The following COL24A1 variants were observed in gnomAD, a reference collection of about 807,000 sequenced individuals.
The protein encoded by COL24A1 is collagen type XXIV alpha 1 chain.
In COL24A1, 224 loss-of-function variants were observed where a neutral mutation model predicts 253.9. The ratio of observed to expected loss-of-function variants is 0.88; its 90% CI spans 0.79 to 0.99. COL24A1 has a LOEUF of 0.99. COL24A1 is among the 50% of genes least tolerant of loss of function. The pLI is 0.00. For missense variants in COL24A1, 2,131 were observed against 2,068.5 expected (o/e 1.03, Z -0.59); for synonymous variants, 685 against 673.7 (o/e 1.02, Z -0.26).
intron 7 of COL24A1, among the ~76,000 whole-genome samples, chr1:86,083,661 C>T (rs2101921445): frequency 6.6e-6 from 1 of 152,174 alleles, no homozygotes; most frequent in East Asian, 1.9e-4. Context: ...TTCTACTTAG[C>T]TAACCTGAAA....
At chr1:86,077,242 A>G (rs555964326) in intron 7 of COL24A1, among the ~76,000 whole-genome samples, 1 of 152,242 alleles carries the variant, frequency 6.6e-6, no homozygotes, top group Admixed American at 6.5e-5. Context: ...ATATGAAAAA[A>G]AGCTCATATG....
intron 2 of COL24A1, among the ~76,000 whole-genome samples, chr1:86,129,875 G>A (rs1417982505): frequency 6.6e-6 from 1 of 151,674 alleles, no homozygotes. Flanking sequence ...ATACATACCA[G>A]TTAGTTGTAC....
At chr1:85,778,957 T>C (rs533966714) in intron 52 of COL24A1, among the ~76,000 whole-genome samples, 6 of 152,220 alleles carry the variant, frequency 3.9e-5, no homozygotes, top group African/African-American at 1.4e-4. Context: ...TAAAAGTTCA[T>C]CTAGGAGTAA....
At chr1:85,952,733 A>G (rs1690052401) in intron 24 of COL24A1, among the ~76,000 whole-genome samples, 1 of 152,324 alleles carries the variant, frequency 6.6e-6, no homozygotes, top group East Asian at 1.9e-4. Flanking sequence ...GGCTGCTTTC[A>G]TACTACAACA....
chr1:85,768,597 G>GCGGT (rs1558048819), intron 53 of COL24A1, among the ~76,000 whole-genome samples: 35 of 142,884 alleles, frequency 2.4e-4, no homozygotes, highest in African/African-American at 8.4e-4. Flanking sequence ...CGGGGGGAGG[G>GCGGT]CTTATTTCTT....
chr1:86,069,960 T>C (rs938103369), intron 7 of COL24A1, among the ~76,000 whole-genome samples: 4 of 152,254 alleles, frequency 2.6e-5, no homozygotes, highest in South Asian at 2.1e-4. Flanking sequence ...CACAAAAACA[T>C]GATCTCACCA....
chr1:85,851,034 T>C (rs1416214692), intron 37 of COL24A1, among the ~76,000 whole-genome samples: 1 of 149,970 alleles, frequency 6.7e-6, no homozygotes, highest in Admixed American at 6.7e-5. Flanking sequence ...CATATATATA[T>C]ACATATAATT....
chr1:85,871,906 T>C (rs1012705160), intron 35 of COL24A1, among the ~76,000 whole-genome samples: 3 of 152,162 alleles, frequency 2.0e-5, no homozygotes, highest in African/African-American at 7.2e-5. Flanking sequence ...GGAAGTCAAA[T>C]TGTCCCTGTT....
chr1:85,873,323 C>A (rs1252933494), intron 35 of COL24A1, among the ~76,000 whole-genome samples: 28 of 151,980 alleles, frequency 1.8e-4, no homozygotes, highest in Middle Eastern at 3.2e-3. Flanking sequence ...TTTGACCCAG[C>A]AATCCCATTA....
chr1:85,828,199 C>T (rs1674661868), intron 43 of COL24A1, among the ~76,000 whole-genome samples: 1 of 152,004 alleles, frequency 6.6e-6, no homozygotes, highest in African/African-American at 2.4e-5. Flanking sequence ...CATTCAGGAG[C>T]AGATTGTTCA....
chr1:85,987,697 C>T (rs1253854752), intron 19 of COL24A1, 43 bp from the exon 20 acceptor site: 3 of 1,531,478 alleles, frequency 2.0e-6, no homozygotes, highest in Non-Finnish European at 2.7e-6. Flanking sequence ...TAGAAAATTA[C>T]TTTAAATCCA....
At chr1:86,098,943 A>G (rs1704223546) in intron 5 of COL24A1, among the ~76,000 whole-genome samples, 1 of 152,186 alleles carries the variant, frequency 6.6e-6, no homozygotes, top group Admixed American at 6.5e-5. Context: ...GGTTAACACT[A>G]TCATTAACCA....
intron 12 of COL24A1, among the ~76,000 whole-genome samples, chr1:86,037,507 C>T (rs1699130652): frequency 6.6e-6 from 1 of 152,124 alleles, no homozygotes; most frequent in East Asian, 1.9e-4. Flanking sequence ...TGGCCCATAG[C>T]CAAGAGCCGG....
intron 37 of COL24A1, among the ~76,000 whole-genome samples, chr1:85,860,973 T>C (rs537321145): frequency 1.6e-4 from 25 of 152,226 alleles, no homozygotes; most frequent in Non-Finnish European, 1.9e-4. Context: ...TGAAAATTCA[T>C]GTACAAGCTT....
chr1:86,131,348 T>C lies in COL24A1; in HGVS notation c.122-5134A>G, dbSNP rs534080721. Among the ~76,000 whole-genome samples, 8 of 151,920 alleles carry C rather than the reference T, an allele frequency of 5.3e-5. No individual in the cohort carries two copies. In the South Asian group the frequency reaches 1.7e-3, roughly 31 times the overall value. On this transcript the variant is annotated intron_variant, in intron 2 of 59. Coordinates refer to ENST00000370571, the MANE Select transcript of COL24A1 (RefSeq NM_152890.7). ...ATTGTATCCTTGAATATTGGTTCTATTTCATAGTTTTGGTTTTCTTTTTTA... is the reference window on the plus strand; with the variant it reads ...ATTGTATCCTTGAATATTGGTTCTACTTCATAGTTTTGGTTTTCTTTTTTA...
chr1:86,038,350 T>A (rs144229597), intron 12 of COL24A1, among the ~76,000 whole-genome samples: 1,594 of 152,292 alleles, frequency 0.01, 14 homozygotes, highest in Middle Eastern at 0.017. Flanking sequence ...TTCTCTTTCC[T>A]TTTATCAAAA....
intron 47 of COL24A1, among the ~76,000 whole-genome samples, chr1:85,790,633 C>A (rs1440888394): frequency 1.5e-5 from 2 of 132,650 alleles, no homozygotes; most frequent in African/African-American, 5.1e-5. Flanking sequence ...TCAAGTGGAA[C>A]ATATATTACT....
intron 53 of COL24A1, among the ~76,000 whole-genome samples, chr1:85,762,631 G>A (rs1363158767): frequency 1.3e-5 from 2 of 152,140 alleles, no homozygotes; most frequent in Non-Finnish European, 2.9e-5. Context: ...AAGCTGCAGG[G>A]TAGCTGACAG....
In COL24A1 at chr1:85,873,371, A is replaced by G. The variant is rs144887530; in HGVS notation, c.3138+1278T>C. Among the ~76,000 whole-genome samples the G allele has an allele frequency of 1.6e-4, 24 of 152,308 alleles. 1 individual carries two copies. The highest frequency in any genetic ancestry group is 5.3e-4 in the African/African-American group (22 of 41,570). On this transcript the variant is annotated intron_variant, in intron 35 of 59. Transcript: ENST00000370571. ...CCAAAGGATTATAAATCATGCTGCT[A>G]TAAAGACACATGCACATGTATGTTT...
Sources: allele counts gnomAD v4.1 joint callset (sites outside exome capture counted in the v4.1 genomes callset), GRCh38; gene constraint gnomAD v4.1.1; transcripts MANE v1.5; gene names NCBI Gene and HGNC (gene_info 2026-07-23, HGNC 2026-07-21).